Variants in EPB41 observed in about 807,000 individuals in gnomAD.
EPB41 encodes the protein erythrocyte membrane protein band 4.1, also known as protein 4.1.
In EPB41, 65 loss-of-function variants were observed where a neutral mutation model predicts 108.0. The ratio of observed to expected loss-of-function variants is 0.60; its 90% CI spans 0.49 to 0.74. The LOEUF (loss-of-function observed/expected upper bound fraction) is 0.74. Ranked by LOEUF, EPB41 falls within the 30% of genes least tolerant of loss-of-function variation. The pLI is 0.00. For synonymous variants in EPB41, 336 were observed against 358.9 expected (o/e 0.94, Z 0.72); for missense variants, 875 against 1,037.0 (o/e 0.84, Z 2.15).
At chr1:28,904,823 G>T (rs1436136515) in intron 1 of EPB41, among the ~76,000 whole-genome samples, 1 of 152,024 alleles carries the variant, frequency 6.6e-6, no homozygotes, top group Non-Finnish European at 1.5e-5. Context: ...CACAAGGTCA[G>T]GAGATCGAGA....
rs1003698462 is a variant in EPB41 at position 29,113,433 on chromosome 1, G to C, written c.2496+985G>C. Reference sequence around the variant, plus strand: ...TTACAGCTGAGAATAGTGGACACAGGGTCCCAGAAACAAGGCTGCAAAGCC... The same window carrying C: ...TTACAGCTGAGAATAGTGGACACAGCGTCCCAGAAACAAGGCTGCAAAGCC... On this transcript the variant is annotated intron_variant, in intron 19 of 20. Coordinates refer to ENST00000343067, the MANE Select transcript of EPB41 (RefSeq NM_001376013.1). Among the ~76,000 whole-genome samples the C allele has an allele frequency of 3.3e-5, 5 of 152,332 alleles. No homozygotes were observed. In the East Asian group the frequency reaches 9.6e-4, roughly 29 times the overall value.
chr1:29,004,135 T>C (rs2096356792), intron 4 of EPB41, among the ~76,000 whole-genome samples: 1 of 152,244 alleles, frequency 6.6e-6, no homozygotes, highest in South Asian at 2.1e-4. Context: ...AAATAGTTGC[T>C]TCCTATATTT....
intron 1 of EPB41, among the ~76,000 whole-genome samples, chr1:28,932,946 T>TATA (rs1421947203): frequency 2.0e-5 from 3 of 152,192 alleles, no homozygotes; most frequent in African/African-American, 7.2e-5. Flanking sequence ...CAAAGACACG[T>TATA]ATAGACATTT....
chr1:28,934,702 G>GTGTT (rs2093917650), intron 1 of EPB41, among the ~76,000 whole-genome samples: 1 of 151,580 alleles, frequency 6.6e-6, no homozygotes, highest in South Asian at 2.1e-4. Flanking sequence ...GTGTGTGTGT[G>GTGTT]TGTATTTTAA....
At chr1:28,913,629 T>A (rs1404326526), upstream of EPB41, among the ~76,000 whole-genome samples, 1 of 152,128 alleles carries the variant, frequency 6.6e-6, no homozygotes, top group Non-Finnish European at 1.5e-5. Flanking sequence ...TCTTATCCTG[T>A]CAGTTTTAAG....
chr1:29,044,397 T>TA (rs751438227), intron 11 of EPB41, among the ~76,000 whole-genome samples: 23 of 152,322 alleles, frequency 1.5e-4, no homozygotes, highest in Admixed American at 6.5e-4. Flanking sequence ...AGTCAAGTGT[T>TA]AATGAGCTTT....
chr1:28,951,348 T>C (rs1299736460), intron 1 of EPB41, among the ~76,000 whole-genome samples: 3 of 142,640 alleles, frequency 2.1e-5, no homozygotes, highest in Non-Finnish European at 4.5e-5. Context: ...TCTTACACAT[T>C]TACCCTGTGT....
At chr1:29,110,665 C>T (rs1668841802) in intron 18 of EPB41, among the ~76,000 whole-genome samples, 1 of 152,088 alleles carries the variant, frequency 6.6e-6, no homozygotes, top group Admixed American at 6.6e-5. Context: ...GCTTCTTGAC[C>T]AAGCTCTCTC....
At chr1:29,081,740 C>T (rs1656724591) in intron 16 of EPB41, among the ~76,000 whole-genome samples, 1 of 150,228 alleles carries the variant, frequency 6.7e-6, no homozygotes, top group South Asian at 2.1e-4. Context: ...GAGGCTCAGG[C>T]AGGAGAATTG....
intron 18 of EPB41, among the ~76,000 whole-genome samples, chr1:29,110,206 A>G (rs1356126538): frequency 6.6e-6 from 1 of 150,538 alleles, no homozygotes; most frequent in Admixed American, 6.6e-5. Flanking sequence ...TGTGCTGGGC[A>G]TAATGGCGCA....
At chr1:28,942,993 C>T (rs1467414491) in intron 1 of EPB41, among the ~76,000 whole-genome samples, 3 of 152,136 alleles carry the variant, frequency 2.0e-5, no homozygotes, top group East Asian at 1.9e-4. Context: ...ATTCCTCCAG[C>T]TCCACCCTCC....
At chr1:28,907,216 G>A (rs1362295416) in intron 1 of EPB41, among the ~76,000 whole-genome samples, 3 of 151,216 alleles carry the variant, frequency 2.0e-5, no homozygotes, top group African/African-American at 7.3e-5. Flanking sequence ...AGGTGCCCGC[G>A]ACCACACCCG....
In EPB41 at chr1:29,011,135, A is replaced by G. The variant is rs1416961073; in HGVS notation, c.787-730A>G. 9.9e-5 allele frequency among the ~76,000 whole-genome samples: 15 copies of G among 151,118 alleles called. No homozygotes were observed. In the East Asian group the frequency reaches 2.9e-3, roughly 29 times the overall value. ...GTGAAACTCTGTCAAAAAAAAAAAA[A>G]AAAGAAAAAAAAGAAAAGAGTTTGA... On this transcript the variant is annotated intron_variant, in intron 4 of 20. Coordinates refer to ENST00000343067, the MANE Select transcript of EPB41 (RefSeq NM_001376013.1).
rs1430418412 is a variant in EPB41 at position 28,929,705 on chromosome 1, A to G, written c.-8+14937A>G. ...CGCCACCACGCCTGGCTAATTTTGT[A>G]TTTTTAGTAGAGACGGGGTTTATCC... On this transcript the variant is annotated intron_variant, in intron 1 of 20. Coordinates refer to ENST00000343067, the MANE Select transcript of EPB41 (RefSeq NM_001376013.1). Among the ~76,000 whole-genome samples, 6 of 148,888 alleles carry G rather than the reference A, an allele frequency of 4.0e-5. No individual in the cohort carries two copies. The South Asian group carries it at 8.5e-4, about 21-fold the overall frequency.
At chr1:29,088,800 A>G (rs1401859211) in intron 16 of EPB41, among the ~76,000 whole-genome samples, 1 of 152,102 alleles carries the variant, frequency 6.6e-6, no homozygotes, top group Admixed American at 6.6e-5. Flanking sequence ...GCTGTGTGTT[A>G]TTTTGAGCAT....
chr1:29,064,160 C>T (rs1005844301), intron 15 of EPB41, among the ~76,000 whole-genome samples: 31 of 152,090 alleles, frequency 2.0e-4, no homozygotes, highest in Non-Finnish European at 1.0e-4. Flanking sequence ...TTGGTGAACT[C>T]TTGTTAACTC....
intron 17 of EPB41, among the ~76,000 whole-genome samples, chr1:29,106,599 A>T (rs555012830): frequency 8.8e-4 from 47 of 53,704 alleles, no homozygotes; most frequent in African/African-American, 2.9e-3. Context: ...TTTGAGATGG[A>T]GTCTTCCTCT....
At chr1:29,047,573 A>AG (rs376096812) in intron 11 of EPB41, among the ~76,000 whole-genome samples, 233 of 151,828 alleles carry the variant, frequency 1.5e-3, no homozygotes, top group African/African-American at 5.4e-3. Context: ...TTTTCTAGGA[A>AG]ATGTGCATTT....
intron 16 of EPB41, among the ~76,000 whole-genome samples, chr1:29,079,920 T>G (rs1353488878): frequency 6.6e-6 from 1 of 151,758 alleles, no homozygotes. Context: ...TTGCTCCGCC[T>G]GGGTGGCGGA....
Sources: allele counts gnomAD v4.1 joint callset (sites outside exome capture counted in the v4.1 genomes callset), GRCh38; gene constraint gnomAD v4.1.1; transcripts MANE v1.5; gene names NCBI Gene and HGNC (gene_info 2026-07-23, HGNC 2026-07-21).